ODF2L: variants seen among roughly 807,000 people sequenced by gnomAD.
ODF2L encodes outer dense fiber of sperm tails 2 like.
A neutral mutation model predicts 86.3 loss-of-function variants in ODF2L; 76 were observed. The observed-to-expected ratio is 0.88, with a 90% confidence interval of 0.73 to 1.07. The LOEUF is 1.07. ODF2L is among the 50% of genes least tolerant of loss of function. ODF2L has a pLI of 0.00. For synonymous variants in ODF2L, 241 were observed against 231.3 expected (o/e 1.04, Z -0.38); for missense variants, 748 against 717.4 (o/e 1.04, Z -0.49).
chr1:86,375,332 C>T (rs1660093615), intron 8 of ODF2L, among the ~76,000 whole-genome samples: 1 of 152,114 alleles, frequency 6.6e-6, no homozygotes, highest in South Asian at 2.1e-4. Flanking sequence ...CCTACAAACA[C>T]ATGAGATAGG....
At chr1:86,369,249 A>G (rs1659639699) in intron 10 of ODF2L, among the ~76,000 whole-genome samples, 2 of 152,194 alleles carry the variant, frequency 1.3e-5, no homozygotes, top group Admixed American at 1.3e-4. Flanking sequence ...TCTAATTCAG[A>G]ATATCACAAT....
chr1:86,395,904 C>G (rs1036596648), intron 1 of ODF2L, 129 bp downstream of exon 1: 14 of 152,214 alleles, frequency 9.2e-5, no homozygotes, highest in Non-Finnish European at 1.5e-5. Context: ...GCTGGGTGGG[C>G]GCGAGGGCCT....
At chr1:86,375,493 A>G (rs1263838145) in intron 8 of ODF2L, among the ~76,000 whole-genome samples, 1 of 152,154 alleles carries the variant, frequency 6.6e-6, no homozygotes, top group Non-Finnish European at 1.5e-5. Flanking sequence ...ATAATTCTAT[A>G]AGCCTTAACA....
intron 7 of ODF2L, among the ~76,000 whole-genome samples, 195 bp from the exon 8 acceptor site, chr1:86,376,613 T>G (rs1032341921): frequency 6.6e-6 from 1 of 151,982 alleles, no homozygotes; most frequent in African/African-American, 2.4e-5. Flanking sequence ...GCTGGGAAGA[T>G]CTCAGGAAAC....
rs201608165 is a variant in ODF2L at position 86,382,291 on chromosome 1, T to C, written c.575A>G (p.Gln192Arg). The C allele has an allele frequency of 1.0e-4, 167 of 1,612,310 alleles. 1 individual carries two copies. Among genetic ancestry groups the C allele is most frequent in the Non-Finnish European group, 1.2e-4 (143 of 1,179,024 alleles). The change falls in exon 7 of 18, where the codon CAA becomes CGA. Residue 192 changes from glutamine to arginine, a missense_variant. Physicochemically the swap from Gln to Arg is conservative, Grantham distance 43 (BLOSUM62 1). Coordinates refer to ENST00000317336, the Ensembl canonical transcript of ODF2L. ...GTTCTCGGCTTCCCTTTTATGAATT[T>C]GGATCTGTAGTCGTTCATGTACTAC...
At chr1:86,385,502 A>C in exon 3 of ODF2L, 1 of 1,603,118 alleles carries the variant, frequency 6.2e-7, no homozygotes, top group Non-Finnish European at 8.5e-7. Context: ...AATAGTGGCA[A>C]AAGCAATTCT....
At chr1:86,390,284 C>T (rs986229325) in intron 1 of ODF2L, among the ~76,000 whole-genome samples, 1 of 151,782 alleles carries the variant, frequency 6.6e-6, no homozygotes, top group Non-Finnish European at 1.5e-5. Flanking sequence ...AGCTGGGCAT[C>T]GTGGCGGGTG....
intron 1 of ODF2L, among the ~76,000 whole-genome samples, chr1:86,394,629 C>T (rs1661579757): frequency 6.6e-6 from 1 of 152,036 alleles, no homozygotes; most frequent in Non-Finnish European, 1.5e-5. Flanking sequence ...AGACCGCGAC[C>T]AGATCACTAA....
At chr1:86,348,761 T>C (rs144355767), downstream of ODF2L, 224 of 1,501,332 alleles carry the variant, frequency 1.5e-4, no homozygotes, top group Non-Finnish European at 1.9e-4. Context: ...TATTCAAACA[T>C]TGTTACATAA....
chr1:86,368,678 A>C (rs757242840), exon 11 of ODF2L: 1 of 1,452,154 alleles, frequency 6.9e-7, no homozygotes, highest in South Asian at 1.5e-5. Context: ...GAACAATCAA[A>C]ATGTTCATAT....
chr1:86,359,926 A>C (rs1658912081), intron 12 of ODF2L, among the ~76,000 whole-genome samples: 11 of 152,176 alleles, frequency 7.2e-5, no homozygotes, highest in Admixed American at 7.2e-4. Flanking sequence ...CTACATTTCC[A>C]AAAAAATAAA....
At chr1:86,389,688 T>C (rs1160463341) in intron 1 of ODF2L, among the ~76,000 whole-genome samples, 1 of 151,836 alleles carries the variant, frequency 6.6e-6, no homozygotes, top group African/African-American at 2.4e-5. Context: ...ATAAGCTCAA[T>C]TAGAAATGAA....
Position 86,377,844 on chromosome 1 carries a change from G to A in ODF2L, c.625-1426C>T, listed in dbSNP as rs527878444. Among the ~76,000 whole-genome samples the A allele has an allele frequency of 3.9e-5, 6 of 152,344 alleles. No individual in the cohort carries two copies. In the East Asian group the frequency reaches 1.2e-3, roughly 29 times the overall value. Reference sequence around the variant, plus strand: ...CTCTGGGCCAGTGATGGGAGGGACTGCCATGAAGACCTCTGACATACCCCA... The same window carrying A: ...CTCTGGGCCAGTGATGGGAGGGACTACCATGAAGACCTCTGACATACCCCA... On this transcript the variant is annotated intron_variant, in intron 7 of 17. Coordinates refer to ENST00000317336, the Ensembl canonical transcript of ODF2L.
At chr1:86,374,641 A>G (rs1660044022) in intron 8 of ODF2L, among the ~76,000 whole-genome samples, 1 of 152,150 alleles carries the variant, frequency 6.6e-6, no homozygotes, top group African/African-American at 2.4e-5. Context: ...TTCTCCTTTC[A>G]TCTCTCCTTA....
intron 7 of ODF2L, among the ~76,000 whole-genome samples, chr1:86,378,616 A>G (rs1007788849): frequency 6.6e-6 from 1 of 152,172 alleles, no homozygotes; most frequent in African/African-American, 2.4e-5. Flanking sequence ...CAATCGTGGC[A>G]GAAGGTGACA....
rs548353306 is a variant in ODF2L, at chr1:86,367,275, A to G, written c.1143+1361T>C. ...GGACAGAATAAAGGCATTTTTAGACATGTAAGACTATTTTAATGTTTACTT... is the reference window on the plus strand; with the variant it reads ...GGACAGAATAAAGGCATTTTTAGACGTGTAAGACTATTTTAATGTTTACTT... On this transcript the variant is annotated intron_variant, in intron 11 of 17. Coordinates refer to ENST00000317336, the Ensembl canonical transcript of ODF2L. 4.6e-5 allele frequency among the ~76,000 whole-genome samples: 7 copies of G among 152,348 alleles called. No individual in the cohort carries two copies. The South Asian group carries it at 1.4e-3, about 32-fold the overall frequency.
At chr1:86,348,639 C>T, downstream of ODF2L, 1 of 981,998 alleles carries the variant, frequency 1.0e-6, no homozygotes, top group East Asian at 3.5e-5. Context: ...ACCTCTAATA[C>T]TACCACTCAT....
At chr1:86,388,610 G>A (rs1661105245) in intron 1 of ODF2L, among the ~76,000 whole-genome samples, 1 of 151,488 alleles carries the variant, frequency 6.6e-6, no homozygotes, top group South Asian at 2.1e-4. Flanking sequence ...TGTCTTTTCA[G>A]GGATCATTAA....
At chr1:86,375,969 T>C (rs1168574513) in intron 8 of ODF2L, among the ~76,000 whole-genome samples, 1 of 152,192 alleles carries the variant, frequency 6.6e-6, no homozygotes, top group East Asian at 1.9e-4. Flanking sequence ...ATAGAACCTT[T>C]TTTTGTGTGT....
Sources: gnomAD v4.1 joint callset for allele counts (sites outside exome capture counted in the v4.1 genomes callset) on GRCh38, gnomAD v4.1.1 for gene constraint, MANE v1.5 for transcripts, NCBI Gene and HGNC (gene_info 2026-07-23, HGNC 2026-07-21) for gene names.